PKN2: variants seen among roughly 807,000 people sequenced by gnomAD.
The protein encoded by PKN2 is serine/threonine-protein kinase N2.
A neutral mutation model predicts 119.1 loss-of-function variants in PKN2; 38 were observed. The observed-to-expected ratio is 0.32, with a 90% confidence interval of 0.25 to 0.42. The LOEUF (loss-of-function observed/expected upper bound fraction) is 0.42, where lower values mean the gene tolerates loss of function less well. PKN2 is among the 10% of genes least tolerant of loss of function. PKN2 has a pLI of 1.00. For missense variants in PKN2, 850 were observed against 1,165.1 expected (o/e 0.73, Z 3.94); for synonymous variants, 390 against 384.9 (o/e 1.01, Z -0.15).
At position 88,833,059 on chromosome 1, in the gene PKN2, T is replaced by A. The variant is rs1368017772; in HGVS notation, c.2671-18T>A. On this transcript the variant is annotated intron_variant, in intron 20 of 21. Coordinates refer to ENST00000370521, the MANE Select transcript of PKN2 (RefSeq NM_006256.4). Reference sequence around the variant, plus strand: ...TCTATTGGTTTTATTTTAACTTTTTTATTTTACATTATGCTAGCTGTTAAG... The same window carrying A: ...TCTATTGGTTTTATTTTAACTTTTTAATTTTACATTATGCTAGCTGTTAAG... 1.3e-6 allele frequency: 2 copies of A among 1,582,166 alleles called. No individual in the cohort carries two copies. Among genetic ancestry groups the A allele is most frequent in the Non-Finnish European group, 8.6e-7 (1 of 1,164,490 alleles).
At chr1:88,782,699 T>G (rs1169545715) in intron 6 of PKN2, among the ~76,000 whole-genome samples, 1 of 152,224 alleles carries the variant, frequency 6.6e-6, no homozygotes, top group Non-Finnish European at 1.5e-5. Context: ...TTCTTCCATG[T>G]GTCTGTGCCA....
At chr1:88,768,640 A>G (rs1163897853) in intron 3 of PKN2, among the ~76,000 whole-genome samples, 1 of 152,208 alleles carries the variant, frequency 6.6e-6, no homozygotes, top group Non-Finnish European at 1.5e-5. Context: ...ACTTACCAAC[A>G]AGATTCTGAG....
At chr1:88,816,130 AC>A (rs201937715) in intron 16 of PKN2, among the ~76,000 whole-genome samples, 1 of 115,384 alleles carries the variant, frequency 8.7e-6, no homozygotes, top group South Asian at 3.8e-4. Flanking sequence ...ACAGAGTGAG[AC>A]CCCCCCAAAT....
intron 16 of PKN2, among the ~76,000 whole-genome samples, chr1:88,815,926 G>C: frequency 6.6e-6 from 1 of 152,094 alleles, no homozygotes; most frequent in East Asian, 1.9e-4. Context: ...GATCACTTAA[G>C]CTCAGGAGTT....
chr1:88,787,066 A>C (rs1188937583), intron 8 of PKN2, among the ~76,000 whole-genome samples: 1 of 151,828 alleles, frequency 6.6e-6, no homozygotes, highest in Non-Finnish European at 1.5e-5. Context: ...GTAGGAATGT[A>C]ATACTCACAG....
At chr1:88,761,779 G>A (rs867346787) in intron 3 of PKN2, among the ~76,000 whole-genome samples, 5 of 151,952 alleles carry the variant, frequency 3.3e-5, no homozygotes, top group Non-Finnish European at 7.4e-5. Context: ...ATTTACTTAT[G>A]ATGTGATATT....
chr1:88,785,425 T>C (rs899875728), intron 7 of PKN2, among the ~76,000 whole-genome samples: 10 of 152,114 alleles, frequency 6.6e-5, no homozygotes, highest in Non-Finnish European at 1.2e-4. Context: ...TCTCCAGCCT[T>C]GATTCTTTTA....
In PKN2 at chr1:88,833,037, A is replaced by G. The variant is rs747258979; in HGVS notation, c.2671-40A>G. The G allele has an allele frequency of 6.0e-6, 9 of 1,509,474 alleles. No individual in the cohort carries two copies. In the African/African-American group the frequency reaches 9.9e-5, roughly 17 times the overall value. The allele number at this position is 1,509,474 out of a possible 1,614,324, so 93.5% of individuals were successfully genotyped here. ...AATCCTTATCAGTGAATTTTATTCT[A>G]TTGGTTTTATTTTAACTTTTTTATT... On this transcript the variant is annotated intron_variant, in intron 20 of 21. Coordinates refer to ENST00000370521, the MANE Select transcript of PKN2 (RefSeq NM_006256.4).
At chr1:88,804,222 G>T (rs892631835) in intron 8 of PKN2, among the ~76,000 whole-genome samples, 169 bp from the exon 9 acceptor site, 1 of 152,144 alleles carries the variant, frequency 6.6e-6, no homozygotes, top group Non-Finnish European at 1.5e-5. Context: ...GTTTGATAAA[G>T]TACTATACAG....
chr1:88,741,013 C>G lies in PKN2; in HGVS notation c.74C>G (p.Ser25Cys). 3 of 1,571,636 alleles carry G rather than the reference C, an allele frequency of 1.9e-6. No homozygotes were observed. Among genetic ancestry groups the G allele is most frequent in the Non-Finnish European group, 2.6e-6 (3 of 1,164,892 alleles). The change falls in exon 2 of 22, where the codon TCT becomes TGT. Residue 25 changes from serine (S) to cysteine (C), a missense_variant. Physicochemically the swap from Ser to Cys is moderately radical, Grantham distance 112. Transcript: ENST00000370521. The part of the protein sequence containing the change: ...LQGDSRSLPF[S>C]ENVSAVQKLD... The stretch of plus-strand genomic sequence containing the variant: ...GGGGATTCCCGAAGTCTTCCGTTTT[C>G]TGAGAATGTGAGTGCTGTTCAAAAA...
intron 8 of PKN2, among the ~76,000 whole-genome samples, chr1:88,802,968 T>G (rs1671384135): frequency 6.6e-6 from 1 of 152,234 alleles, no homozygotes; most frequent in Non-Finnish European, 1.5e-5. Flanking sequence ...TGATTCTTCC[T>G]CCAGTTTATT....
At position 88,805,493 on chromosome 1, in the gene PKN2, A is replaced by T; in HGVS notation, c.1502-4A>T. ...GCTGTTTTTGTTTTTTTCAACATCT[A>T]CAGGCAAAACATTTCTCAGAGCTCC... On this transcript the variant is annotated splice_polypyrimidine_tract_variant and splice_region_variant and intron_variant, in intron 10 of 21. Transcript: ENST00000370521. 6.3e-7 allele frequency: 1 copy of T among 1,582,340 alleles called. No individual in the cohort carries two copies. Among genetic ancestry groups the T allele is most frequent in the Non-Finnish European group, 8.6e-7 (1 of 1,162,188 alleles).
At chr1:88,693,099 A>G (rs1666393861) in intron 1 of PKN2, among the ~76,000 whole-genome samples, 1 of 152,220 alleles carries the variant, frequency 6.6e-6, no homozygotes, top group Non-Finnish European at 1.5e-5. Flanking sequence ...CAAAAATTAT[A>G]CATACACTTC....
chr1:88,736,388 C>A (rs1034567586), intron 1 of PKN2, among the ~76,000 whole-genome samples: 3 of 151,734 alleles, frequency 2.0e-5, no homozygotes, highest in African/African-American at 7.3e-5. Flanking sequence ...GAGACAGAGT[C>A]TCACTCACTC....
intron 1 of PKN2, among the ~76,000 whole-genome samples, chr1:88,735,236 G>A (rs541024665): frequency 6.6e-6 from 1 of 152,194 alleles, no homozygotes; most frequent in African/African-American, 2.4e-5. Context: ...ATGGCTCACT[G>A]CAGTCTTGAT....
chr1:88,756,571 T>C (rs1264766085), intron 2 of PKN2, among the ~76,000 whole-genome samples: 1 of 152,230 alleles, frequency 6.6e-6, no homozygotes, highest in Non-Finnish European at 1.5e-5. Flanking sequence ...AGGGGCCTTC[T>C]ATTCTGAATG....
intron 1 of PKN2, among the ~76,000 whole-genome samples, chr1:88,692,459 A>G (rs1666372083): frequency 6.6e-6 from 1 of 152,140 alleles, no homozygotes; most frequent in South Asian, 2.1e-4. Flanking sequence ...ATATGGTTGC[A>G]CCAATTTATA....
intron 15 of PKN2, among the ~76,000 whole-genome samples, chr1:88,810,642 T>C (rs1486968863): frequency 6.6e-6 from 1 of 152,202 alleles, no homozygotes; most frequent in Non-Finnish European, 1.5e-5. Flanking sequence ...AGTCTCACTC[T>C]ATTGTCCAGG....
chr1:88,833,263 C>T lies in PKN2; in HGVS notation c.2770C>T (p.Leu924=). Residue 924 remains leucine (L), a synonymous_variant, in exon 22 of 22, where the codon CTG becomes TTG. Transcript: ENST00000370521. ...GATCCAGCTAATTGATTGGAGCGCT[C>T]TGATGGACAAAAAAGTAAAGCCACC... ...PFFRLIDWSA[L]MDKKVKPPFI... is the part of the protein sequence containing the mutation. 1.9e-6 allele frequency: 3 copies of T among 1,613,116 alleles called. No homozygotes were observed. Among genetic ancestry groups the T allele is most frequent in the Non-Finnish European group, 2.5e-6 (3 of 1,179,372 alleles).
Sources: allele counts gnomAD v4.1 joint callset (sites outside exome capture counted in the v4.1 genomes callset), GRCh38; gene constraint gnomAD v4.1.1; transcripts MANE v1.5; gene names NCBI Gene and HGNC (gene_info 2026-07-23, HGNC 2026-07-21).